SLC18B1: variants seen among roughly 807,000 people sequenced by gnomAD.
The protein encoded by SLC18B1 is solute carrier family 18 member B1.
Under a neutral mutation model 53.9 loss-of-function variants are expected in SLC18B1, and 62 were observed. That is an observed-to-expected ratio of 1.15 (90% CI 0.94 to 1.42). The LOEUF (loss-of-function observed/expected upper bound fraction) is 1.42, where lower values mean the gene tolerates loss of function less well. Ranked by LOEUF, SLC18B1 falls within the 40% of genes most tolerant of loss-of-function variation. The probability of loss-of-function intolerance (pLI) is 0.00; values close to 1 mark genes in which losing one functional copy is unlikely to be tolerated. For missense variants in SLC18B1, 598 were observed against 547.3 expected, an observed-to-expected ratio of 1.09 and a Z score of -0.93; for synonymous variants, 217 against 200.9, an observed-to-expected ratio of 1.08 and a Z score of -0.68.
At chr6:132,790,525 A>G (rs1337543605) in intron 2 of SLC18B1, among the ~76,000 whole-genome samples, 2 of 152,220 alleles carry the variant, frequency 1.3e-5, no homozygotes, top group African/African-American at 4.8e-5. Context: ...TTTATGTGGC[A>G]AAAGTCAGAA....
intron 4 of SLC18B1, among the ~76,000 whole-genome samples, chr6:132,788,829 A>AG (rs1419096640): frequency 4.1e-5 from 4 of 96,386 alleles, no homozygotes; most frequent in African/African-American, 3.2e-4. Flanking sequence ...TCTCAAAAAG[A>AG]AAAAAAAAAA....
At chr6:132,774,855 G>A (rs1488418179) in intron 8 of SLC18B1, among the ~76,000 whole-genome samples, 3 of 151,862 alleles carry the variant, frequency 2.0e-5, no homozygotes, top group Admixed American at 6.6e-5. Context: ...AGGTTGCAGT[G>A]AGCCAAGATC....
chr6:132,781,724 T>C (rs1781241495), intron 6 of SLC18B1, among the ~76,000 whole-genome samples: 2 of 148,598 alleles, frequency 1.3e-5, no homozygotes, highest in South Asian at 2.1e-4. Context: ...GCCACTGTAT[T>C]CCAGCCTGGG....
At chr6:132,796,063 A>C (rs147417884) in intron 2 of SLC18B1, among the ~76,000 whole-genome samples, 71 of 151,786 alleles carry the variant, frequency 4.7e-4, no homozygotes, top group African/African-American at 1.7e-3. Context: ...AAATACAAAA[A>C]TTCGGCCGGG....
rs1303741698 is a variant in SLC18B1 at position 132,776,385 on chromosome 6, C to T, written c.840G>A (p.Met280Ile). ...AGYVGLVFLG[M>I]ALSYAISSPL... is the part of the protein sequence containing the mutation. Reference sequence around the variant, plus strand: ...GTGAAGAGATGGCATAGGACAGTGCCATACCCAGGAATACTAGTCCCACAT... The same window carrying T: ...GTGAAGAGATGGCATAGGACAGTGCTATACCCAGGAATACTAGTCCCACAT... Residue 280 changes from methionine (M) to isoleucine (I), a missense_variant, in exon 8 of 14, where the codon ATG (methionine) becomes ATA (isoleucine). By Grantham distance (10) the Met-to-Ile change is conservative. Transcript: ENST00000275227. 1 of 1,613,610 alleles carries T rather than the reference C, an allele frequency of 6.2e-7. No homozygotes were observed. The highest frequency in any genetic ancestry group is 1.7e-5 in the Admixed American group (1 of 59,986).
intron 2 of SLC18B1, among the ~76,000 whole-genome samples, chr6:132,793,978 A>G (rs942263122): frequency 6.6e-6 from 1 of 152,194 alleles, no homozygotes; most frequent in African/African-American, 2.4e-5. Flanking sequence ...CTATTCACTT[A>G]GAGGAAACTA....
intron 2 of SLC18B1, among the ~76,000 whole-genome samples, chr6:132,792,229 A>AAGAAAGAAAGAG: frequency 7.3e-4 from 1 of 1,372 alleles, no homozygotes; most frequent in Non-Finnish European, 1.7e-3. Context: ...CACTGTCAGA[A>AAGAAAGAAAGAG]AGAAAGAAAG....
intron 6 of SLC18B1, 130 bp downstream of exon 6, chr6:132,783,803 T>C: frequency 1.4e-6 from 1 of 734,520 alleles, no homozygotes; most frequent in Non-Finnish European, 2.0e-6. Context: ...CCTACATTAC[T>C]GAAAAAAGAA....
intron 1 of SLC18B1, 24 bp downstream of exon 1, chr6:132,798,390 C>T (rs1338773306): frequency 5.9e-6 from 9 of 1,517,546 alleles, no homozygotes; most frequent in Middle Eastern, 1.7e-4. Flanking sequence ...TCTCCGGGCT[C>T]CCGGCCACGC....
At chr6:132,796,957 T>C (rs1348406247) in intron 2 of SLC18B1, 25 bp downstream of exon 2, 2 of 1,601,466 alleles carry the variant, frequency 1.2e-6, no homozygotes, top group African/African-American at 2.7e-5. Context: ...AAAACAGAGG[T>C]CCTAAGGATT....
intron 2 of SLC18B1, among the ~76,000 whole-genome samples, chr6:132,795,425 G>C (rs1781651706): frequency 6.6e-6 from 1 of 152,180 alleles, no homozygotes; most frequent in Non-Finnish European, 1.5e-5. Flanking sequence ...TTTGCAACAT[G>C]CTGAGATTCT....
rs765292496 is a variant in SLC18B1 at position 132,787,468 on chromosome 6, G to A, written c.467C>T (p.Ala156Val). 1 of 1,602,426 alleles carries A rather than the reference G, an allele frequency of 6.2e-7. No individual in the cohort carries two copies. Among genetic ancestry groups the A allele is most frequent in the Non-Finnish European group, 8.5e-7 (1 of 1,176,448 alleles). ...AGCCACGTTATTTGGAAAAGCCTTT[G>A]CCAGGATAGAAGAAGATGCAGTCAT... ...AAMTASSSIL[A>V]KAFPNNVATV... Residue 156 changes from alanine (A) to valine (V), a missense_variant, in exon 5 of 14, where the codon GCA becomes GTA. Physicochemically the swap from Ala to Val is moderately conservative, Grantham distance 64. Transcript: ENST00000275227.
intron 2 of SLC18B1, among the ~76,000 whole-genome samples, chr6:132,795,638 T>A (rs568962154): frequency 6.6e-6 from 1 of 152,326 alleles, no homozygotes; most frequent in South Asian, 2.1e-4. Context: ...CACTGCACTG[T>A]GAGCCAAGGA....
rs138024168 is a variant in SLC18B1, at chr6:132,774,168, C to T, written c.989+54G>A. On this transcript the variant is annotated intron_variant, in intron 9 of 13. Transcript: ENST00000275227. Reference sequence around the variant, plus strand: ...ATACCAATGTTAAAACAAAATTTTTCGAAATAATTCCTAATGTTATTTGGC... The same window carrying T: ...ATACCAATGTTAAAACAAAATTTTTTGAAATAATTCCTAATGTTATTTGGC... 1,945 of 1,402,902 alleles carry T rather than the reference C, an allele frequency of 1.4e-3. 23 individuals carry two copies. The African/African-American group carries it at 0.023, about 17-fold the overall frequency. The allele number at this position is 1,402,902 out of a possible 1,614,324, so 86.9% of individuals were successfully genotyped here.
At chr6:132,793,675 G>C (rs1336515179) in intron 2 of SLC18B1, among the ~76,000 whole-genome samples, 2 of 152,118 alleles carry the variant, frequency 1.3e-5, no homozygotes, top group Non-Finnish European at 2.9e-5. Flanking sequence ...ACATCTAACA[G>C]GGTTGTGATT....
At chr6:132,796,056 T>C (rs1028214493) in intron 2 of SLC18B1, among the ~76,000 whole-genome samples, 5 of 151,404 alleles carry the variant, frequency 3.3e-5, no homozygotes, top group African/African-American at 9.7e-5. Context: ...CTACTAAAAA[T>C]ACAAAAATTC....
At chr6:132,789,322 A>G (rs1781465031) in intron 4 of SLC18B1, 1 of 159,392 alleles carries the variant, frequency 6.3e-6, no homozygotes, top group African/African-American at 2.4e-5. Flanking sequence ...TTTCTACTGA[A>G]GCTGCTAGGG....
chr6:132,794,180 TG>T (rs1781615647), intron 2 of SLC18B1, among the ~76,000 whole-genome samples: 1 of 151,228 alleles, frequency 6.6e-6, no homozygotes, highest in African/African-American at 2.4e-5. Flanking sequence ...CTCGGCTCAC[TG>T]CAACCTCCAC....
Position 132,790,242 on chromosome 6 carries a change from T to C in SLC18B1, c.214A>G (p.Ile72Val), listed in dbSNP as rs368296063. 5.7e-6 allele frequency: 9 copies of C among 1,572,708 alleles called. No individual in the cohort carries two copies. The East Asian group carries it at 1.1e-4, about 20-fold the overall frequency. ...AEKKGASNTIIGMIFGCFALF... is the reference protein window; with the variant it reads ...AEKKGASNTIVGMIFGCFALF... ...GCAAAACATCCAAAGATCATACCGA[T>C]AATTGTATTGCTGGCTCCCTTCTTT... The change falls in exon 3 of 14, where the codon ATC becomes GTC. Residue 72 changes from isoleucine (I) to valine (V), a missense_variant. Ile to Val is a conservative substitution (Grantham distance 29, BLOSUM62 3). Transcript: ENST00000275227.
Sources: gnomAD v4.1 joint callset for allele counts (sites outside exome capture counted in the v4.1 genomes callset) on GRCh38, gnomAD v4.1.1 for gene constraint, MANE v1.5 for transcripts, NCBI Gene and HGNC (gene_info 2026-07-23, HGNC 2026-07-21) for gene names.